STPG2: variants seen among roughly 807,000 people sequenced by gnomAD.
The protein encoded by STPG2 is sperm-tail PG-rich repeat-containing protein 2.
In STPG2, 56 loss-of-function variants were observed where a neutral mutation model predicts 54.2. The ratio of observed to expected loss-of-function variants is 1.03; its 90% CI spans 0.83 to 1.29. STPG2 has a LOEUF of 1.29. STPG2 is among the 50% of genes most tolerant of loss of function. The pLI is 0.00. For synonymous variants in STPG2, 200 were observed against 181.8 expected (o/e 1.10, Z -0.81); for missense variants, 596 against 544.9 (o/e 1.09, Z -0.93).
chr4:97,573,036 G>A (rs930215522), intron 10 of STPG2, among the ~76,000 whole-genome samples: 1 of 152,008 alleles, frequency 6.6e-6, no homozygotes, highest in African/African-American at 2.4e-5. Flanking sequence ...CAGAAGCCTA[G>A]TTTGTTATCG....
intron 9 of STPG2, among the ~76,000 whole-genome samples, chr4:97,716,532 A>C (rs1269669488): frequency 1.3e-5 from 2 of 152,128 alleles, no homozygotes; most frequent in Non-Finnish European, 2.9e-5. Flanking sequence ...AAAAAGGATG[A>C]GTTCATGTCC....
intron 4 of STPG2, among the ~76,000 whole-genome samples, chr4:97,491,376 T>C (rs1730499720): frequency 6.6e-6 from 1 of 151,530 alleles, no homozygotes; most frequent in African/African-American, 2.4e-5. Context: ...AAAGAACTTA[T>C]TCCTTTTTAA....
At chr4:97,662,677 T>G (rs1391057879) in intron 10 of STPG2, among the ~76,000 whole-genome samples, 1 of 152,086 alleles carries the variant, frequency 6.6e-6, no homozygotes, top group Non-Finnish European at 1.5e-5. Flanking sequence ...TACTACAAAT[T>G]AATGCAGGAA....
chr4:97,864,882 T>C (rs976761019), intron 8 of STPG2, among the ~76,000 whole-genome samples: 93 of 152,268 alleles, frequency 6.1e-4, no homozygotes, highest in Non-Finnish European at 2.6e-4. Context: ...GAAAACTGGC[T>C]AGCCATATGT....
intron 5 of STPG2, among the ~76,000 whole-genome samples, chr4:98,094,310 A>G (rs545903893): frequency 6.6e-6 from 1 of 152,292 alleles, no homozygotes; most frequent in East Asian, 1.9e-4. Context: ...GGCATGATTC[A>G]TTACCTGCTG....
chr4:97,475,562 T>C (rs377312576), intron 4 of STPG2, among the ~76,000 whole-genome samples: 2 of 151,880 alleles, frequency 1.3e-5, no homozygotes, highest in East Asian at 3.9e-4. Flanking sequence ...CATATAATAT[T>C]GTGTACTGTG....
chr4:97,491,689 T>C (rs1197485238), intron 4 of STPG2, among the ~76,000 whole-genome samples: 1 of 151,516 alleles, frequency 6.6e-6, no homozygotes, highest in East Asian at 1.9e-4. Context: ...GATTTTAACT[T>C]ACAGCTAAAG....
At chr4:97,813,792 G>A (rs1036136940) in intron 9 of STPG2, among the ~76,000 whole-genome samples, 3 of 142,100 alleles carry the variant, frequency 2.1e-5, no homozygotes, top group African/African-American at 7.9e-5. Context: ...TTTAACTTAA[G>A]CATTACAACA....
chr4:97,874,916 G>T (rs888541964), intron 8 of STPG2, among the ~76,000 whole-genome samples: 2 of 151,806 alleles, frequency 1.3e-5, no homozygotes, highest in Non-Finnish European at 2.9e-5. Flanking sequence ...CCTTGACCTT[G>T]AACTTCCCAG....
chr4:97,996,552 G>A (rs1735247680), intron 5 of STPG2, among the ~76,000 whole-genome samples: 1 of 152,142 alleles, frequency 6.6e-6, no homozygotes, highest in African/African-American at 2.4e-5. Context: ...ACTTGGCAAA[G>A]ATTTCATGAC....
chr4:97,960,883 A>G (rs763690482), intron 7 of STPG2, among the ~76,000 whole-genome samples: 1 of 152,118 alleles, frequency 6.6e-6, no homozygotes, highest in African/African-American at 2.4e-5. Context: ...AAGCCCACAT[A>G]GCCAAGGCAA....
chr4:97,467,656 A>G (rs1729820601), intron 4 of STPG2, among the ~76,000 whole-genome samples: 1 of 152,002 alleles, frequency 6.6e-6, no homozygotes, highest in South Asian at 2.1e-4. Flanking sequence ...AAAAACCATT[A>G]TGAGAAAGTA....
intron 6 of STPG2, among the ~76,000 whole-genome samples, chr4:97,975,025 TA>T (rs1361457923): frequency 6.6e-6 from 1 of 152,022 alleles, no homozygotes; most frequent in Non-Finnish European, 1.5e-5. Flanking sequence ...ATATCATAAG[TA>T]AAAAAAGGCA....
chr4:97,790,330 A>G (rs1410816654), intron 9 of STPG2, among the ~76,000 whole-genome samples: 2 of 152,158 alleles, frequency 1.3e-5, no homozygotes, highest in Admixed American at 6.6e-5. Context: ...TGCTGTAAGA[A>G]ATTACCACAA....
intron 4 of STPG2, among the ~76,000 whole-genome samples, chr4:97,461,077 T>C (rs991328900): frequency 6.6e-6 from 1 of 152,314 alleles, no homozygotes; most frequent in African/African-American, 2.4e-5. Flanking sequence ...CTATCCATCA[T>C]TGCACATGCC....
intron 8 of STPG2, among the ~76,000 whole-genome samples, chr4:97,885,343 T>C (rs747144654): frequency 8.5e-5 from 13 of 152,216 alleles, no homozygotes; most frequent in Non-Finnish European, 1.3e-4. Context: ...CCACTGCAAC[T>C]GGGCATCATG....
At chr4:97,832,557 G>A (rs754913106) in intron 9 of STPG2, among the ~76,000 whole-genome samples, 1 of 152,144 alleles carries the variant, frequency 6.6e-6, no homozygotes, top group African/African-American at 2.4e-5. Flanking sequence ...ATTCAAATAG[G>A]AAAAGAGAAA....
chr4:97,791,835 G>T (rs560657323), intron 9 of STPG2, among the ~76,000 whole-genome samples: 2 of 151,754 alleles, frequency 1.3e-5, no homozygotes, highest in East Asian at 1.9e-4. Context: ...AAAAAAGTAC[G>T]TTGATGAAAC....
At chr4:98,050,999 C>T (rs4373161) in intron 5 of STPG2, among the ~76,000 whole-genome samples, 59,112 of 149,712 alleles carry the variant, frequency 0.39, 11,846 homozygotes, top group Middle Eastern at 0.45. Context: ...AGAGAGACTC[C>T]ATCTCAAAAA....
Sources: gnomAD v4.1 joint callset for allele counts (sites outside exome capture counted in the v4.1 genomes callset) on GRCh38, gnomAD v4.1.1 for gene constraint, MANE v1.5 for transcripts, NCBI Gene and HGNC (gene_info 2026-07-23, HGNC 2026-07-21) for gene names.